Variants in KCNIP4 observed in about 807,000 individuals in gnomAD.
The protein encoded by KCNIP4 is Kv channel-interacting protein 4.
In KCNIP4, 12 loss-of-function variants were observed where a neutral mutation model predicts 34.0. The observed-to-expected ratio is 0.35, with a 90% CI of 0.23 to 0.57. The LOEUF is 0.57. Ranked by LOEUF, KCNIP4 falls within the 20% of genes least tolerant of loss-of-function variation. The pLI is 0.83. For missense variants in KCNIP4, 238 were observed against 311.7 expected (o/e 0.76, Z 1.78); for synonymous variants, 124 against 102.2 (o/e 1.21, Z -1.29).
At chr4:20,938,609 C>T (rs914735584) in intron 1 of KCNIP4, among the ~76,000 whole-genome samples, 2 of 152,148 alleles carry the variant, frequency 1.3e-5, no homozygotes, top group Non-Finnish European at 2.9e-5. Context: ...TACATAACTG[C>T]CTCTAAACTG....
chr4:21,434,420 T>C (rs1388855454), intron 1 of KCNIP4, among the ~76,000 whole-genome samples: 3 of 152,194 alleles, frequency 2.0e-5, no homozygotes, highest in Non-Finnish European at 4.4e-5. Flanking sequence ...AATTTGAACT[T>C]TTTTTCTACC....
At chr4:21,155,509 G>C (rs1220972716) in intron 1 of KCNIP4, among the ~76,000 whole-genome samples, 1 of 152,170 alleles carries the variant, frequency 6.6e-6, no homozygotes, top group Non-Finnish European at 1.5e-5. Context: ...GGTGAAGCTA[G>C]TTGATTGCAG....
At chr4:21,546,499 G>T (rs1174440558) in intron 1 of KCNIP4, among the ~76,000 whole-genome samples, 4 of 152,068 alleles carry the variant, frequency 2.6e-5, no homozygotes. Context: ...TGAACCGAAA[G>T]ATTGTATATT....
chr4:21,669,200 G>C (rs1029108037), intron 1 of KCNIP4, among the ~76,000 whole-genome samples: 3 of 140,004 alleles, frequency 2.1e-5, no homozygotes, highest in Non-Finnish European at 4.6e-5. Context: ...AACATAGCTT[G>C]CTGCAGCCTC....
At chr4:21,050,097 GATA>G (rs1416541024) in intron 1 of KCNIP4, among the ~76,000 whole-genome samples, 2 of 152,116 alleles carry the variant, frequency 1.3e-5, no homozygotes, top group Non-Finnish European at 2.9e-5. Flanking sequence ...ACCCAGTTGA[GATA>G]ACCCACATCT....
intron 1 of KCNIP4, among the ~76,000 whole-genome samples, chr4:21,208,903 G>T (rs1187140613): frequency 2.6e-5 from 4 of 152,104 alleles, no homozygotes; most frequent in African/African-American, 9.7e-5. Context: ...AGAAGAGCAA[G>T]CAGGGGAAAT....
At chr4:20,892,875 T>C (rs961460289) in intron 1 of KCNIP4, among the ~76,000 whole-genome samples, 3 of 152,228 alleles carry the variant, frequency 2.0e-5, no homozygotes, top group Admixed American at 2.0e-4. Flanking sequence ...CTTTTAAGAT[T>C]GACCAATTGA....
chr4:20,732,115 A>G (rs1413106269), intron 7 of KCNIP4, 47 bp from the exon 8 acceptor site: 1 of 1,297,210 alleles, frequency 7.7e-7, no homozygotes, highest in Non-Finnish European at 1.1e-6. Flanking sequence ...ATCCCTTAAT[A>G]CCCTCACACC....
At chr4:21,657,701 T>C (rs1287704287) in intron 1 of KCNIP4, among the ~76,000 whole-genome samples, 1 of 152,214 alleles carries the variant, frequency 6.6e-6, no homozygotes, top group Non-Finnish European at 1.5e-5. Context: ...TTTGAGTCAA[T>C]GTGTAAGGGT....
intron 1 of KCNIP4, among the ~76,000 whole-genome samples, chr4:21,108,203 C>T (rs554683040): frequency 1.3e-5 from 2 of 150,584 alleles, no homozygotes; most frequent in Non-Finnish European, 2.9e-5. Context: ...TGTTTTCCAA[C>T]TTGGTTCCAT....
At chr4:21,392,702 C>T (rs963426801) in intron 1 of KCNIP4, among the ~76,000 whole-genome samples, 2 of 152,184 alleles carry the variant, frequency 1.3e-5, no homozygotes, top group Non-Finnish European at 1.5e-5. Context: ...ATCTAATAGA[C>T]TAACAAACTC....
intron 1 of KCNIP4, among the ~76,000 whole-genome samples, chr4:21,098,245 G>C (rs1374235236): frequency 1.3e-5 from 2 of 152,202 alleles, no homozygotes; most frequent in Non-Finnish European, 2.9e-5. Flanking sequence ...TGTAGAAGTT[G>C]TAGCAAGTTA....
intron 1 of KCNIP4, among the ~76,000 whole-genome samples, chr4:21,582,959 A>T (rs955565042): frequency 6.6e-6 from 1 of 151,950 alleles, no homozygotes; most frequent in African/African-American, 2.4e-5. Flanking sequence ...AAAGATTCTC[A>T]TTGCCTTTCT....
At chr4:21,929,220 T>C (rs932842392) in intron 1 of KCNIP4, among the ~76,000 whole-genome samples, 1 of 152,066 alleles carries the variant, frequency 6.6e-6, no homozygotes, top group Non-Finnish European at 1.5e-5. Flanking sequence ...ACCAAATTCA[T>C]GGTAGTGGTT....
At chr4:21,305,142 C>T (rs936850564) in intron 1 of KCNIP4, among the ~76,000 whole-genome samples, 2 of 152,056 alleles carry the variant, frequency 1.3e-5, no homozygotes, top group African/African-American at 2.4e-5. Flanking sequence ...ATTAAAGTCT[C>T]CTATTTCATA....
intron 1 of KCNIP4, among the ~76,000 whole-genome samples, chr4:21,599,085 T>C (rs1016751597): frequency 1.3e-5 from 2 of 152,100 alleles, no homozygotes; most frequent in Non-Finnish European, 2.9e-5. Flanking sequence ...TTGAGCATCC[T>C]TGCAACACTA....
At chr4:21,754,255 C>G (rs1287979261) in intron 1 of KCNIP4, among the ~76,000 whole-genome samples, 1 of 152,072 alleles carries the variant, frequency 6.6e-6, no homozygotes. Flanking sequence ...CCATCTCCAA[C>G]TACCACCACT....
intron 1 of KCNIP4, among the ~76,000 whole-genome samples, chr4:21,395,334 T>C (rs561629721): frequency 6.6e-6 from 1 of 152,226 alleles, no homozygotes; most frequent in South Asian, 2.1e-4. Flanking sequence ...ACACAAACAT[T>C]ATTATCATAC....
intron 1 of KCNIP4, among the ~76,000 whole-genome samples, chr4:21,180,901 GA>G (rs1399919285): frequency 1.3e-5 from 2 of 151,858 alleles, no homozygotes; most frequent in Non-Finnish European, 2.9e-5. Context: ...TCCTGGTTAT[GA>G]AAAAAATACT....
Sources: gnomAD v4.1 joint callset for allele counts (sites outside exome capture counted in the v4.1 genomes callset) on GRCh38, gnomAD v4.1.1 for gene constraint, MANE v1.5 for transcripts, NCBI Gene and HGNC (gene_info 2026-07-23, HGNC 2026-07-21) for gene names.